The following ROBO2 variants were observed in gnomAD, a reference collection of about 807,000 sequenced individuals.
The protein encoded by ROBO2 is roundabout homolog 2.
Under a neutral mutation model 160.8 loss-of-function variants are expected in ROBO2, and 53 were observed. The observed-to-expected ratio is 0.33, with a 90% CI of 0.26 to 0.41. The LOEUF is 0.41. Among genes scored for constraint, ROBO2 ranks in the 10% least tolerant of loss-of-function variants. ROBO2 has a pLI of 1.00. For synonymous variants in ROBO2, 664 were observed against 611.7 expected (o/e 1.09, Z -1.26); for missense variants, 1,577 against 1,722.4 (o/e 0.92, Z 1.49).
At chr3:77,252,510 A>T (rs969723389) in intron 2 of ROBO2, among the ~76,000 whole-genome samples, 1 of 152,076 alleles carries the variant, frequency 6.6e-6, no homozygotes, top group African/African-American at 2.4e-5. Flanking sequence ...ATATATCATT[A>T]TTAAATTAGA....
At chr3:77,621,019 A>T (rs1443916847) in intron 22 of ROBO2, among the ~76,000 whole-genome samples, 1 of 152,182 alleles carries the variant, frequency 6.6e-6, no homozygotes, top group African/African-American at 2.4e-5. Flanking sequence ...TTTAGAAGAA[A>T]ATCTGAGTAG....
chr3:77,566,829 T>G (rs2093496401), intron 12 of ROBO2, among the ~76,000 whole-genome samples: 2 of 152,100 alleles, frequency 1.3e-5, no homozygotes, highest in Non-Finnish European at 2.9e-5. Flanking sequence ...GGATTATTTT[T>G]GGGTACCATA....
At chr3:77,050,465 G>T (rs561898781) in intron 1 of ROBO2, among the ~76,000 whole-genome samples, 1 of 151,912 alleles carries the variant, frequency 6.6e-6, no homozygotes, top group East Asian at 1.9e-4. Context: ...CTTTTAAAAA[G>T]AAAATGCCAT....
At chr3:76,054,881 T>G (rs2067781894) in intron 2 of ROBO2, among the ~76,000 whole-genome samples, 1 of 152,154 alleles carries the variant, frequency 6.6e-6, no homozygotes. Context: ...CATAAACCCT[T>G]AAGCTGAAGT....
At chr3:77,561,244 G>A (rs1410820023) in intron 9 of ROBO2, among the ~76,000 whole-genome samples, 2 of 152,152 alleles carry the variant, frequency 1.3e-5, no homozygotes, top group Non-Finnish European at 2.9e-5. Context: ...TTTGAACCCA[G>A]CAGATATAAT....
intron 2 of ROBO2, among the ~76,000 whole-genome samples, chr3:76,324,897 G>A (rs1022359321): frequency 6.6e-6 from 1 of 152,194 alleles, no homozygotes; most frequent in African/African-American, 2.4e-5. Context: ...ACGAAGTCAG[G>A]AGATCGAGAC....
At chr3:77,380,695 C>A (rs1178869845) in intron 2 of ROBO2, among the ~76,000 whole-genome samples, 1 of 148,620 alleles carries the variant, frequency 6.7e-6, no homozygotes, top group African/African-American at 2.5e-5. Context: ...CTCCCTCCCT[C>A]CTTCCCTCCC....
chr3:76,490,416 T>C (rs2079752934), intron 2 of ROBO2, among the ~76,000 whole-genome samples: 1 of 152,196 alleles, frequency 6.6e-6, no homozygotes, highest in South Asian at 2.1e-4. Flanking sequence ...CAAATCTGTT[T>C]GGTTTCCTAG....
intron 2 of ROBO2, among the ~76,000 whole-genome samples, chr3:75,979,991 A>G (rs2065233562): frequency 1.3e-5 from 2 of 151,604 alleles, no homozygotes; most frequent in South Asian, 4.1e-4. Flanking sequence ...TATGCATCAT[A>G]CAAAATTAAA....
At chr3:76,933,461 A>G (rs998561834) in intron 2 of ROBO2, among the ~76,000 whole-genome samples, 1 of 152,234 alleles carries the variant, frequency 6.6e-6, no homozygotes, top group African/African-American at 2.4e-5. Flanking sequence ...TGTTCTAATG[A>G]TGACTATTAG....
At chr3:76,114,263 C>T (rs2070365918) in intron 2 of ROBO2, among the ~76,000 whole-genome samples, 1 of 152,026 alleles carries the variant, frequency 6.6e-6, no homozygotes, top group African/African-American at 2.4e-5. Flanking sequence ...TCTTGGAGCC[C>T]AAGTACTCTG....
chr3:77,104,797 A>C (rs2072557844), intron 2 of ROBO2, among the ~76,000 whole-genome samples: 1 of 152,168 alleles, frequency 6.6e-6, no homozygotes, highest in African/African-American at 2.4e-5. Flanking sequence ...TAGATTTTCT[A>C]TGTCGTATGT....
intron 2 of ROBO2, among the ~76,000 whole-genome samples, chr3:76,752,930 T>C (rs748152970): frequency 2.0e-5 from 3 of 151,910 alleles, no homozygotes; most frequent in Non-Finnish European, 4.4e-5. Context: ...AATGCAAACA[T>C]TAGAAAATTC....
chr3:76,921,893 A>G (rs901493058), intron 2 of ROBO2, among the ~76,000 whole-genome samples: 2 of 152,190 alleles, frequency 1.3e-5, no homozygotes, highest in Non-Finnish European at 2.9e-5. Context: ...TTTTGTCTTA[A>G]AATGCATTGA....
chr3:77,164,408 C>T (rs79246083), intron 2 of ROBO2, among the ~76,000 whole-genome samples: 3,965 of 84,560 alleles, frequency 0.047, 254 homozygotes, highest in Middle Eastern at 0.082. Context: ...GCCCCCCGCC[C>T]GGCCAGCCGC....
At chr3:77,196,860 C>T (rs1218073850) in intron 2 of ROBO2, among the ~76,000 whole-genome samples, 1 of 151,298 alleles carries the variant, frequency 6.6e-6, no homozygotes, top group African/African-American at 2.4e-5. Flanking sequence ...TGATTAGACT[C>T]GTTCAATGGA....
intron 2 of ROBO2, among the ~76,000 whole-genome samples, chr3:76,437,339 T>A (rs1337244343): frequency 2.0e-5 from 3 of 152,196 alleles, no homozygotes. Flanking sequence ...CACCTCCAGC[T>A]GGGTTTCCTA....
chr3:77,278,930 A>G (rs1374387785), intron 2 of ROBO2, among the ~76,000 whole-genome samples: 1 of 152,122 alleles, frequency 6.6e-6, no homozygotes, highest in African/African-American at 2.4e-5. Context: ...AATCATGGTA[A>G]CAGCTGGCAT....
At chr3:76,314,125 C>A (rs2071801587) in intron 2 of ROBO2, among the ~76,000 whole-genome samples, 1 of 152,134 alleles carries the variant, frequency 6.6e-6, no homozygotes, top group Admixed American at 6.5e-5. Context: ...TTCCCTCAGG[C>A]ATACACTTTT....
Sources: allele counts gnomAD v4.1 joint callset (sites outside exome capture counted in the v4.1 genomes callset), GRCh38; gene constraint gnomAD v4.1.1; transcripts MANE v1.5; gene names NCBI Gene and HGNC (gene_info 2026-07-23, HGNC 2026-07-21).